PCDH19: variants seen among roughly 807,000 people sequenced by gnomAD.
The protein encoded by PCDH19 is protocadherin-19.
A neutral mutation model predicts 46.2 loss-of-function variants in PCDH19; 6 were observed. The ratio of observed to expected loss-of-function variants is 0.13; its 90% CI spans 0.07 to 0.26. The LOEUF is 0.26. PCDH19 is among the 10% of genes least tolerant of loss of function. The probability of loss-of-function intolerance (pLI) is 1.00; values close to 1 mark genes in which losing one functional copy is unlikely to be tolerated. For missense variants in PCDH19, 740 were observed against 972.3 expected, an observed-to-expected ratio of 0.76 and a Z score of 3.18; for synonymous variants, 481 against 415.7, an observed-to-expected ratio of 1.16 and a Z score of -1.91.
rs1338518342 is a variant in PCDH19, at chrX:100,407,809, G to A, written c.789C>T (p.Ser263=). 4.1e-6 allele frequency: 5 copies of A among 1,211,171 alleles called. No homozygotes were observed. Among genetic ancestry groups the A allele is most frequent in the Non-Finnish European group, 5.6e-6 (5 of 895,439 alleles). ...PNTPVIRLNA[S]DPDEGTNGQV... is the part of the protein sequence containing the mutation. ...GGCCGTTGGTGCCCTCGTCTGGATC[G>A]CTGGCGTTGAGGCGGATGACGGGTG... Residue 263 remains serine (S), a synonymous_variant, in exon 1 of 6, where the codon AGC becomes AGT. Coordinates refer to ENST00000373034, the MANE Select transcript of PCDH19 (RefSeq NM_001184880.2).
intron 3 of PCDH19, among the ~76,000 whole-genome samples, chrX:100,363,856 C>CTT: frequency 3.4e-5 from 3 of 88,969 alleles, no homozygotes; most frequent in African/African-American, 1.3e-4. Flanking sequence ...AATGTGCGTG[C>CTT]GTGTGTGTGT....
chrX:100,402,535 G>A lies in PCDH19; in HGVS notation c.2605C>T (p.Pro869Ser). 8.3e-7 allele frequency: 1 copy of A among 1,210,099 alleles called. No individual in the cohort carries two copies. Among genetic ancestry groups the A allele is most frequent in the Non-Finnish European group, 1.1e-6 (1 of 893,930 alleles). The change falls in exon 3 of 6, where the codon CCT (proline) becomes TCT (serine). Residue 869 changes from proline to serine, a missense_variant. Pro to Ser is a moderately conservative substitution (Grantham distance 74). Around this residue, in one of 5 missense-constraint regions of PCDH19, gnomAD observed 416 missense variants for 476.8 expected, o/e 0.87. Coordinates refer to ENST00000373034, the MANE Select transcript of PCDH19 (RefSeq NM_001184880.2). Reference sequence around the variant, plus strand: ...TTAGCTGCACTCACCTCAGGCAGAGGCACACCGTTGATAATCAGGTCAGGC... The same window carrying A: ...TTAGCTGCACTCACCTCAGGCAGAGACACACCGTTGATAATCAGGTCAGGC... ...QQPDLIINGV[P>S]LPETENYSFD...
At chrX:100,321,210 A>T (rs1177070193) in intron 5 of PCDH19, among the ~76,000 whole-genome samples, 1 of 112,087 alleles carries the variant, frequency 8.9e-6, no homozygotes, top group African/African-American at 3.2e-5. Flanking sequence ...TGCAATTGTG[A>T]ACTGTGCTGC....
At position 100,296,645 on chromosome X, in the gene PCDH19, C is replaced by G; in HGVS notation, c.3079G>C (p.Ala1027Pro). ...CCTTTCAGGGTAGGCCTCTCCTCAG[C>G]CGGGTGGTCGCTGACATCTTTCCCA... ...TFGKDVSDHP[A>P]EERPTLKGKR... The change falls in exon 6 of 6, where the codon GCT becomes CCT. Residue 1027 changes from alanine (A) to proline (P), a missense_variant. By Grantham distance (27) the Ala-to-Pro change is conservative. Around this residue, in one of 5 missense-constraint regions of PCDH19, gnomAD observed 416 missense variants for 476.8 expected, o/e 0.87. Transcript: ENST00000373034. 4.1e-6 allele frequency: 5 copies of G among 1,211,486 alleles called. No homozygotes were observed. Among genetic ancestry groups the G allele is most frequent in the Non-Finnish European group, 5.6e-6 (5 of 895,417 alleles).
At chrX:100,298,721 G>A (rs1243967582) in intron 5 of PCDH19, among the ~76,000 whole-genome samples, 1 of 111,723 alleles carries the variant, frequency 9.0e-6, no homozygotes, top group East Asian at 2.8e-4. Flanking sequence ...CTGATACCCT[G>A]TTATCATTCA....
At chrX:100,401,783 C>T (rs1928192073) in intron 3 of PCDH19, among the ~76,000 whole-genome samples, 1 of 109,969 alleles carries the variant, frequency 9.1e-6, no homozygotes, top group Admixed American at 9.7e-5. Flanking sequence ...GAGACGAAGT[C>T]TCACTATATT....
Position 100,408,536 on chromosome X carries a change from G to A in PCDH19, c.62C>T (p.Ala21Val). 8.4e-7 allele frequency: 1 copy of A among 1,196,515 alleles called. No individual in the cohort carries two copies. The highest frequency in any genetic ancestry group is 1.1e-6 in the Non-Finnish European group (1 of 891,574). The change falls in exon 1 of 6, where the codon GCC becomes GTC. Residue 21 changes from alanine to valine, a missense_variant. Physicochemically the swap from Ala to Val is moderately conservative, Grantham distance 64. Coordinates refer to ENST00000373034, the MANE Select transcript of PCDH19 (RefSeq NM_001184880.2). ...LLAILWTQAA[A>V]LINLKYSVEE... ...TACCGAGTACTTGAGATTAATGAGG[G>A]CGGCAGCCTGCGTCCACAGTATGGC...
Position 100,408,292 on chromosome X carries a change from C to G in PCDH19, c.306G>C (p.Ser102=). Residue 102 remains serine (S), a synonymous_variant, in exon 1 of 6, where the codon TCG becomes TCC. Coordinates refer to ENST00000373034, the MANE Select transcript of PCDH19 (RefSeq NM_001184880.2). ...CCATTGAGCTGGACATGACCTCGAG[C>G]GAGATGATGCACTTGGGGCTCTGGC... is the stretch of plus-strand genomic sequence containing the variant. ...LCRQSPKCII[S]LEVMSSSMEI... is the part of the protein sequence containing the mutation. 8.3e-7 allele frequency: 1 copy of G among 1,211,532 alleles called. No homozygotes were observed.
chrX:100,352,372 A>T (rs1285197670), intron 3 of PCDH19, among the ~76,000 whole-genome samples: 1 of 112,592 alleles, frequency 8.9e-6, no homozygotes, highest in Non-Finnish European at 1.9e-5. Flanking sequence ...GTACCAACAT[A>T]ACAGGTAAAA....
At chrX:100,383,041 C>T (rs1297316560) in intron 3 of PCDH19, among the ~76,000 whole-genome samples, 2 of 112,725 alleles carry the variant, frequency 1.8e-5, no homozygotes, top group Non-Finnish European at 3.7e-5. Flanking sequence ...AATTGTGTTG[C>T]CCTCTACAGT....
intron 3 of PCDH19, among the ~76,000 whole-genome samples, chrX:100,363,779 C>T (rs966409409): frequency 7.0e-5 from 7 of 100,112 alleles, no homozygotes; most frequent in Non-Finnish European, 1.4e-4. Context: ...ATATACCCAA[C>T]TTCTCTAATT....
At position 100,402,739 on chromosome X, in the gene PCDH19, C is replaced by T. The variant is rs973886559; in HGVS notation, c.2401G>A (p.Val801Ile). The T allele has an allele frequency of 5.0e-6, 6 of 1,208,367 alleles. No homozygotes were observed. The highest frequency in any genetic ancestry group is 6.7e-6 in the Non-Finnish European group (6 of 893,591). ...RDVEETDKMN[V>I]VSCSSLTSSL... ...GAGGTCAGGGAAGAGCAACTGACAA[C>T]GTTCATCTTGTCTGTCTCCTCCACA... Residue 801 changes from valine to isoleucine, a missense_variant, in exon 3 of 6, where the codon GTT becomes ATT. Val to Ile is a conservative substitution (Grantham distance 29). Transcript: ENST00000373034.
chrX:100,321,116 T>C (rs1386015513), intron 5 of PCDH19, among the ~76,000 whole-genome samples: 1 of 112,247 alleles, frequency 8.9e-6, no homozygotes, highest in Non-Finnish European at 1.9e-5. Flanking sequence ...GCCGTTAATT[T>C]ATTCCTTTTT....
rs775108223 is a variant in PCDH19 at position 100,331,953 on chromosome X, T to C, written c.2848+9950A>G. On this transcript the variant is annotated intron_variant, in intron 5 of 5. Coordinates refer to ENST00000373034, the MANE Select transcript of PCDH19 (RefSeq NM_001184880.2). ...TGATTTTTCTAGGCTGGAGTTTTAC[T>C]GGGGATAAGCCTTATATAAAGAAAG... Among the ~76,000 whole-genome samples the C allele has an allele frequency of 5.4e-5, 6 of 111,823 alleles. No homozygotes were observed. In the South Asian group the frequency reaches 1.9e-3, roughly 35 times the overall value.
intron 3 of PCDH19, among the ~76,000 whole-genome samples, chrX:100,375,563 A>G (rs1927353206): frequency 8.9e-6 from 1 of 112,237 alleles, no homozygotes; most frequent in African/African-American, 3.2e-5. Context: ...ATACCTGTAC[A>G]TGTGTCTTTA....
At chrX:100,388,267 T>C (rs148033039) in intron 3 of PCDH19, among the ~76,000 whole-genome samples, 5,703 of 108,961 alleles carry the variant, frequency 0.052, 348 homozygotes, top group African/African-American at 0.18. Context: ...GAATTGTTTA[T>C]ATATTATATA....
At chrX:100,396,503 C>G (rs1928029122) in intron 3 of PCDH19, among the ~76,000 whole-genome samples, 1 of 111,799 alleles carries the variant, frequency 8.9e-6, no homozygotes, top group African/African-American at 3.3e-5. Context: ...CTGCCTCCAG[C>G]CCCTTGGGGA....
At chrX:100,356,906 C>T (rs1926735382) in intron 3 of PCDH19, among the ~76,000 whole-genome samples, 1 of 111,487 alleles carries the variant, frequency 9.0e-6, no homozygotes, top group Admixed American at 9.5e-5. Context: ...GGATGAATCA[C>T]ATTAACCCTC....
intron 4 of PCDH19, among the ~76,000 whole-genome samples, chrX:100,346,225 A>T (rs757377332): frequency 3.0e-4 from 34 of 112,162 alleles, no homozygotes; most frequent in Non-Finnish European, 5.8e-4. Context: ...ATTCTGACCC[A>T]TATTTACCAT....
Sources: gnomAD v4.1 joint callset for allele counts (sites outside exome capture counted in the v4.1 genomes callset) on GRCh38, gnomAD v4.1.1 for gene constraint, gnomAD v4.1.1 regional missense constraint, MANE v1.5 for transcripts, NCBI Gene and HGNC (gene_info 2026-07-23, HGNC 2026-07-21) for gene names.